RAB24: variants seen among roughly 807,000 people sequenced by gnomAD.
RAB24 encodes ras-related protein Rab-24.
A neutral mutation model predicts 31.4 loss-of-function variants in RAB24; 9 were observed. That is an observed-to-expected ratio of 0.29 (90% CI 0.17 to 0.50). The LOEUF is 0.50. Among genes scored for constraint, RAB24 ranks in the 20% least tolerant of loss-of-function variants. The pLI is 0.98. For synonymous variants in RAB24, 106 were observed against 94.1 expected (o/e 1.13, Z -0.73); for missense variants, 197 against 265.2 (o/e 0.74, Z 1.79).
At chr5:177,302,077 C>T (rs747276379) in intron 6 of RAB24, 51 bp downstream of exon 6, 4 of 1,611,568 alleles carry the variant, frequency 2.5e-6, no homozygotes, top group Non-Finnish European at 3.4e-6. Flanking sequence ...TATTCAGCTT[C>T]CTCTGGTGCC....
chr5:177,301,387 G>C lies in RAB24; in HGVS notation c.*356C>G, dbSNP rs559198203. 5 of 272,484 alleles carry C rather than the reference G, an allele frequency of 1.8e-5. No homozygotes were observed. The East Asian group carries it at 3.3e-4, about 18-fold the overall frequency. 16.9% of individuals were successfully genotyped at this position (272,484 alleles called of 1,614,324 possible). A position where few individuals can be genotyped will look rare whatever the true frequency, so the allele number is the denominator to read the frequency against. On this transcript the variant is annotated 3_prime_UTR_variant, in exon 8 of 8. Coordinates refer to ENST00000303251, the MANE Select transcript of RAB24 (RefSeq NM_001031677.4). ...CTTAATATAAGCAGTGAGGCCAGCC[G>C]GGTGGCCCCAGGAAGAACTAGGTGT...
chr5:177,301,803 G>A lies in RAB24; in HGVS notation c.552C>T (p.Asp184=). 6.2e-7 allele frequency: 1 copy of A among 1,614,216 alleles called. No homozygotes were observed. Among genetic ancestry groups the A allele is most frequent in the Non-Finnish European group, 8.5e-7 (1 of 1,180,022 alleles). ...GCTTCTGGCCCAGATCCACGCCCTTGTCCTCTGTCAAAAAGAGAGGTGGCA... is the reference window on the plus strand; with the variant it reads ...GCTTCTGGCCCAGATCCACGCCCTTATCCTCTGTCAAAAAGAGAGGTGGCA... ...SVAAFQVMTE[D]KGVDLGQKPN... Residue 184 remains aspartate (D), a synonymous_variant, in exon 8 of 8, where the codon GAC becomes GAT. Coordinates refer to ENST00000303251, the MANE Select transcript of RAB24 (RefSeq NM_001031677.4).
chr5:177,302,496 C>T lies in RAB24; in HGVS notation c.334G>A (p.Gly112Ser), dbSNP rs1372833867. The T allele has an allele frequency of 6.2e-7, 1 of 1,613,988 alleles. No homozygotes were observed. Among genetic ancestry groups the T allele is most frequent in the East Asian group, 2.2e-5 (1 of 44,888 alleles). Residue 112 changes from glycine (G) to serine (S), a missense_variant and splice_region_variant, in exon 5 of 8, where the codon GGC (glycine) becomes AGC (serine). Around this residue, in one of 2 missense-constraint regions of RAB24, gnomAD observed 148 missense variants for 159.7 expected, o/e 0.93. Transcript: ENST00000303251. ...WVKELRSLEE[G>S]CQIYLCGTKS... ...GTGCCACATAAGTAGATTTGGCAGCCCTGAGGCAGAAGACAAGGGTCACCT... is the reference window on the plus strand; with the variant it reads ...GTGCCACATAAGTAGATTTGGCAGCTCTGAGGCAGAAGACAAGGGTCACCT...
chr5:177,303,089 G>C lies in RAB24; in HGVS notation c.118-12C>G. 1 of 1,614,046 alleles carries C rather than the reference G, an allele frequency of 6.2e-7. No individual in the cohort carries two copies. Among genetic ancestry groups the C allele is most frequent in the Non-Finnish European group, 8.5e-7 (1 of 1,180,020 alleles). On this transcript the variant is annotated splice_polypyrimidine_tract_variant and intron_variant, in intron 1 of 7. Coordinates refer to ENST00000303251, the MANE Select transcript of RAB24 (RefSeq NM_001031677.4). This position sits in a 1 kb window ranked among gnomAD's most constrained non-coding sequence, Gnocchi z 6.1. ...GCGGCCCCGATGGTCTGCAACGAGA[G>C]GGAAGAGATCGGGGCCATAGGTGCA...
chr5:177,302,040 C>A, intron 6 of RAB24, 53 bp from the exon 7 acceptor site: 1 of 1,609,604 alleles, frequency 6.2e-7, no homozygotes, highest in Non-Finnish European at 8.5e-7. Flanking sequence ...GCCCTGGGAT[C>A]TCCCAGTGAC....
intron 5 of RAB24, 33 bp downstream of exon 5, chr5:177,302,364 C>G (rs200531671): frequency 6.2e-7 from 1 of 1,606,516 alleles, no homozygotes; most frequent in African/African-American, 1.3e-5. Context: ...CAGCCACACA[C>G]CCCCACCCCC....
At position 177,303,333 on chromosome 5, in the gene RAB24, G is replaced by T. The variant is rs763946134; in HGVS notation, c.-45C>A. 1.8e-5 allele frequency: 28 copies of T among 1,587,470 alleles called. No individual in the cohort carries two copies. The highest frequency in any genetic ancestry group is 2.1e-5 in the Non-Finnish European group (24 of 1,158,014). ...CCACGTCAGGGTCCTGAGCGGGGAC[G>T]GGAGGCAAACCCCGATCTCCGCTCG... On this transcript the variant is annotated 5_prime_UTR_variant, in exon 1 of 8. Coordinates refer to ENST00000303251, the MANE Select transcript of RAB24 (RefSeq NM_001031677.4). This position sits in a 1 kb window ranked among gnomAD's most constrained non-coding sequence, Gnocchi z 6.1.
At position 177,302,432 on chromosome 5, in the gene RAB24, C is replaced by T. The variant is rs769371165; in HGVS notation, c.398G>A (p.Arg133His). Residue 133 changes from arginine (R) to histidine (H), a missense_variant, in exon 5 of 8, where the codon CGT (arginine) becomes CAT (histidine). Around this residue, in one of 2 missense-constraint regions of RAB24, gnomAD observed 148 missense variants for 159.7 expected, o/e 0.93. Coordinates refer to ENST00000303251, the MANE Select transcript of RAB24 (RefSeq NM_001031677.4). ...GTCCTGGACGTCGTGGAAGTCCACA[C>T]GTCGACGCCTCCGGTCTTCTTCCAG... Reference protein sequence around the residue: ...DLLEEDRRRRRVDFHDVQDYA... With the variant: ...DLLEEDRRRRHVDFHDVQDYA... 4.3e-6 allele frequency: 7 copies of T among 1,613,518 alleles called. No homozygotes were observed. In the East Asian group the frequency reaches 8.9e-5, roughly 21 times the overall value.
At chr5:177,302,908 A>G (rs1172419264) in intron 2 of RAB24, 78 bp from the exon 3 acceptor site, 4 of 1,594,256 alleles carry the variant, frequency 2.5e-6, no homozygotes, top group Non-Finnish European at 3.4e-6. Flanking sequence ...AAACGGGTCT[A>G]TGAGAAATGG....
At position 177,303,697 on chromosome 5, in the gene RAB24, A is replaced by G. The variant is rs1222432632; in HGVS notation, c.-409T>C. 5.6e-6 allele frequency: 2 copies of G among 354,244 alleles called. No homozygotes were observed. The highest frequency in any genetic ancestry group is 2.2e-5 in the African/African-American group (1 of 46,214). The allele number at this position is 354,244 out of a possible 1,614,324, so 21.9% of individuals were successfully genotyped here. ...CCCGGCTCCTACCCGCAGCGCCGCG[A>G]CTCCCGCGGGAGGGGGCTAGAGGGC... On this transcript the variant is annotated 5_prime_UTR_variant, in exon 1 of 8. Coordinates refer to ENST00000303251, the MANE Select transcript of RAB24 (RefSeq NM_001031677.4). This position sits in a 1 kb window ranked among gnomAD's most constrained non-coding sequence, Gnocchi z 6.1.
chr5:177,303,344 C>A lies in RAB24; in HGVS notation c.-56G>T. ...TCCTGAGCGGGGACGGGAGGCAAAC[C>A]CCGATCTCCGCTCGGCCCAGGCAGC... On this transcript the variant is annotated 5_prime_UTR_variant, in exon 1 of 8. Transcript: ENST00000303251. This position sits in a 1 kb window ranked among gnomAD's most constrained non-coding sequence, Gnocchi z 6.1. The A allele has an allele frequency of 6.4e-7, 1 of 1,552,404 alleles. No individual in the cohort carries two copies.
rs1357336423 is a variant in RAB24 at position 177,301,417 on chromosome 5, A to G, written c.*326T>C. On this transcript the variant is annotated 3_prime_UTR_variant, in exon 8 of 8. Coordinates refer to ENST00000303251, the MANE Select transcript of RAB24 (RefSeq NM_001031677.4). ...GCCCCAGGAAGAACTAGGTGTCTTG[A>G]CACCTAATCCACACAGCAGGGAAAG... is the stretch of plus-strand genomic sequence containing the variant. 3.1e-6 allele frequency: 1 copy of G among 325,798 alleles called. No homozygotes were observed. The highest frequency in any genetic ancestry group is 5.8e-6 in the Non-Finnish European group (1 of 173,404). 20.2% of individuals were successfully genotyped at this position (325,798 alleles called of 1,614,324 possible).
chr5:177,303,207 C>T lies in RAB24; in HGVS notation c.82G>A (p.Val28Met), dbSNP rs755971030. 3 of 1,613,808 alleles carry T rather than the reference C, an allele frequency of 1.9e-6. No individual in the cohort carries two copies. Among genetic ancestry groups the T allele is most frequent in the South Asian group, 1.1e-5 (1 of 91,090 alleles). Residue 28 changes from valine to methionine, a missense_variant, in exon 1 of 8, where the codon GTG becomes ATG. Physicochemically the swap from Val to Met is conservative, Grantham distance 21 (BLOSUM62 1). Transcript: ENST00000303251. This position sits in a 1 kb window ranked among gnomAD's most constrained non-coding sequence, Gnocchi z 6.1. ...GGCCCCACCAGAAAGCGGTCGTGCACGTAGCGCTCCACCAGGCTAGTCTTG... is the reference window on the plus strand; with the variant it reads ...GGCCCCACCAGAAAGCGGTCGTGCATGTAGCGCTCCACCAGGCTAGTCTTG... Reference protein sequence around the residue: ...VGKTSLVERYVHDRFLVGPYQ... With the variant: ...VGKTSLVERYMHDRFLVGPYQ...
intron 7 of RAB24, 50 bp from the exon 8 acceptor site, chr5:177,301,857 A>C (rs1301505935): frequency 1.2e-6 from 2 of 1,613,182 alleles, no homozygotes; most frequent in Non-Finnish European, 1.7e-6. Flanking sequence ...GGGATCAGGT[A>C]ACTCAGGAAA....
chr5:177,302,364 C>A (rs200531671), intron 5 of RAB24, 33 bp downstream of exon 5: 1 of 1,606,640 alleles, frequency 6.2e-7, no homozygotes, highest in African/African-American at 1.3e-5. Flanking sequence ...CAGCCACACA[C>A]CCCCACCCCC....
In RAB24 at chr5:177,301,994, G is replaced by GC. The variant is rs1319429564; in HGVS notation, c.485-8_485-7insG. On this transcript the variant is annotated splice_region_variant and splice_polypyrimidine_tract_variant and intron_variant, in intron 6 of 7. Transcript: ENST00000303251. ...ACTTTCTGGAAGAGCTCGTCTGGCA[G>GC]GAAAAATGATGATCAGCGAGGGCCC... 6.2e-7 allele frequency: 1 copy of GC among 1,614,054 alleles called. No homozygotes were observed. The highest frequency in any genetic ancestry group is 8.5e-7 in the Non-Finnish European group (1 of 1,180,010).
At position 177,303,233 on chromosome 5, in the gene RAB24, C is replaced by A; in HGVS notation, c.56G>T (p.Gly19Val). The change falls in exon 1 of 8, where the codon GGC becomes GTC. Residue 19 changes from glycine (G) to valine (V), a missense_variant. Gly to Val is a moderately radical substitution (Grantham distance 109). Around this residue, in one of 2 missense-constraint regions of RAB24, gnomAD observed 49 missense variants for 105.5 expected, o/e 0.46. Transcript: ENST00000303251. The surrounding 1 kb of genome is among the most constrained non-coding windows in gnomAD (Gnocchi z 6.1). ...GTAGCGCTCCACCAGGCTAGTCTTG[C>A]CCACGTACTCCTTGCCCAGCATCAC... is the stretch of plus-strand genomic sequence containing the variant. ...KVVMLGKEYVGKTSLVERYVH... is the reference protein window; with the variant it reads ...KVVMLGKEYVVKTSLVERYVH... 6.2e-7 allele frequency: 1 copy of A among 1,613,800 alleles called. No individual in the cohort carries two copies.
In RAB24 at chr5:177,303,239, T is replaced by C; in HGVS notation, c.50A>G (p.Tyr17Cys). ...CTCCACCAGGCTAGTCTTGCCCACG[T>C]ACTCCTTGCCCAGCATCACCACCTT... ...DVKVVMLGKE[Y>C]VGKTSLVERY... The change falls in exon 1 of 8, where the codon TAC (tyrosine) becomes TGC (cysteine). Residue 17 changes from tyrosine to cysteine, a missense_variant. By Grantham distance (194) the Tyr-to-Cys change is radical (BLOSUM62 -2). Coordinates refer to ENST00000303251, the MANE Select transcript of RAB24 (RefSeq NM_001031677.4). The surrounding 1 kb of genome is among the most constrained non-coding windows in gnomAD (Gnocchi z 6.1). 1.2e-6 allele frequency: 2 copies of C among 1,613,710 alleles called. No homozygotes were observed. The highest frequency in any genetic ancestry group is 1.1e-5 in the South Asian group (1 of 91,086).
chr5:177,301,572 ACAGT>A lies in RAB24; in HGVS notation c.*167_*170del. 2 of 708,714 alleles carry A rather than the reference ACAGT, an allele frequency of 2.8e-6. No homozygotes were observed. The highest frequency in any genetic ancestry group is 1.8e-5 in the South Asian group (1 of 54,512). 43.9% of individuals were successfully genotyped at this position (708,714 alleles called of 1,614,324 possible). On this transcript the variant is annotated 3_prime_UTR_variant, in exon 8 of 8. Coordinates refer to ENST00000303251, the MANE Select transcript of RAB24 (RefSeq NM_001031677.4). Reference sequence around the variant, plus strand: ...ATCAGCCTTATCCCTCCTCATGCCCACAGTCAGCCCAATGCTGTCTCCGTTCCAT... The same window carrying A: ...ATCAGCCTTATCCCTCCTCATGCCCACAGCCCAATGCTGTCTCCGTTCCAT...
Sources: allele counts gnomAD v4.1 joint callset, GRCh38; gene constraint gnomAD v4.1.1; regional missense constraint gnomAD v4.1.1; non-coding constraint Gnocchi (gnomAD v3.1); transcripts MANE v1.5; gene names NCBI Gene and HGNC (gene_info 2026-07-23, HGNC 2026-07-21).